The following TLE2 variants were observed in gnomAD, a reference collection of about 807,000 sequenced individuals.
The protein encoded by TLE2 is transducin-like enhancer protein 2.
In TLE2, 74 loss-of-function variants were observed where a neutral mutation model predicts 97.2. That is an observed-to-expected ratio of 0.76 (90% CI 0.63 to 0.92). The LOEUF is 0.92. TLE2 is among the 40% of genes least tolerant of loss of function. TLE2 has a pLI of 0.00. For missense variants in TLE2, 1,038 were observed against 1,008.7 expected, an observed-to-expected ratio of 1.03 and a Z score of -0.39; for synonymous variants, 499 against 432.1, an observed-to-expected ratio of 1.15 and a Z score of -1.92.
intron 11 of TLE2, among the ~76,000 whole-genome samples, chr19:3,011,616 G>C (rs541310967): frequency 1.3e-5 from 2 of 149,284 alleles, no homozygotes; most frequent in Admixed American, 1.3e-4. Context: ...TTGGGAGGCC[G>C]AGGCCGGTGG....
chr19:3,016,118 T>G (rs933951873), intron 8 of TLE2, among the ~76,000 whole-genome samples: 1 of 151,702 alleles, frequency 6.6e-6, no homozygotes, highest in African/African-American at 2.4e-5. Context: ...GTATTTTTAA[T>G]AGAGACAGGG....
intron 4 of TLE2, among the ~76,000 whole-genome samples, chr19:3,026,475 A>G (rs1244150273): frequency 6.6e-6 from 1 of 152,068 alleles, no homozygotes; most frequent in African/African-American, 2.4e-5. Flanking sequence ...AAAAAAAAAA[A>G]AAAATCTTTA....
chr19:2,998,690 A>C (rs776743344), intron 19 of TLE2, among the ~76,000 whole-genome samples: 3 of 151,952 alleles, frequency 2.0e-5, no homozygotes, highest in Non-Finnish European at 4.4e-5. Context: ...TGGGATTACA[A>C]GCGTGAGCCA....
At chr19:3,018,716 G>C (rs1049187704) in intron 7 of TLE2, among the ~76,000 whole-genome samples, 1 of 151,812 alleles carries the variant, frequency 6.6e-6, no homozygotes. Flanking sequence ...CCAGGTTCAA[G>C]CGATTCTCCT....
At chr19:3,016,916 T>C (rs867041291) in intron 8 of TLE2, among the ~76,000 whole-genome samples, 11 of 151,490 alleles carry the variant, frequency 7.3e-5, no homozygotes, top group South Asian at 4.2e-4. Context: ...GTAGCTGGGA[T>C]TACAGGCGCC....
At chr19:3,006,907 C>G (rs542687176) in intron 14 of TLE2, among the ~76,000 whole-genome samples, 2 of 152,212 alleles carry the variant, frequency 1.3e-5, no homozygotes, top group South Asian at 4.2e-4. Flanking sequence ...CTCAACCTCC[C>G]GAGTAGCTGG....
intron 14 of TLE2, among the ~76,000 whole-genome samples, chr19:3,007,380 G>T (rs1599204624): frequency 6.6e-6 from 1 of 152,010 alleles, no homozygotes; most frequent in African/African-American, 2.4e-5. Context: ...ATGAGCCACC[G>T]GGCCCAGCCT....
intron 14 of TLE2, among the ~76,000 whole-genome samples, chr19:3,007,912 C>A (rs1466285705): frequency 1.3e-5 from 2 of 152,088 alleles, no homozygotes; most frequent in Non-Finnish European, 2.9e-5. Flanking sequence ...TGGTGAAACC[C>A]TGTCTCTACT....
At chr19:3,044,945 C>T (rs535998031) in intron 1 of TLE2, among the ~76,000 whole-genome samples, 49 of 151,774 alleles carry the variant, frequency 3.2e-4, no homozygotes, top group Non-Finnish European at 4.9e-4. Context: ...AAGCCGGGCG[C>T]GGTGGCTCAT....
intron 4 of TLE2, among the ~76,000 whole-genome samples, chr19:3,026,455 TAAAA>T (rs34783402): frequency 2.3e-4 from 26 of 111,294 alleles, no homozygotes; most frequent in African/African-American, 4.9e-4. Context: ...TCTCAAAATT[TAAAA>T]AAAAAAAAAA....
intron 1 of TLE2, among the ~76,000 whole-genome samples, chr19:3,040,269 C>G (rs1270522296): frequency 6.6e-6 from 1 of 152,226 alleles, no homozygotes; most frequent in Admixed American, 6.5e-5. Flanking sequence ...CCTGGTCCCC[C>G]TGGAAGGCAC....
chr19:3,019,515 C>T lies in TLE2; in HGVS notation c.370-52G>A, dbSNP rs754713549. 14 of 1,480,722 alleles carry T rather than the reference C, an allele frequency of 9.5e-6. No homozygotes were observed. In the South Asian group the frequency reaches 9.5e-5, roughly 10 times the overall value. The allele number at this position is 1,480,722 out of a possible 1,614,324, so 91.7% of individuals were successfully genotyped here. ...GGGGCGGGGGGCGGCAGGAGCCCAG[C>T]GGTCCCCAGCCCAAGAGGTAGACAC... On this transcript the variant is annotated intron_variant, in intron 6 of 19. Transcript: ENST00000262953. The surrounding 1 kb of genome is among the most constrained non-coding windows in gnomAD (Gnocchi z 5.1).
chr19:3,023,093 T>C (rs2089877771), intron 5 of TLE2, among the ~76,000 whole-genome samples: 2 of 151,628 alleles, frequency 1.3e-5, no homozygotes, highest in African/African-American at 4.8e-5. Flanking sequence ...CTCGCTGTGT[T>C]GCCCAGGCTG....
chr19:3,030,278 A>G (rs1757849242), upstream of TLE2, among the ~76,000 whole-genome samples: 1 of 152,188 alleles, frequency 6.6e-6, no homozygotes, highest in African/African-American at 2.4e-5. Flanking sequence ...GAAGAACCAC[A>G]GCTCTGCCAT....
intron 11 of TLE2, 113 bp downstream of exon 11, chr19:3,013,556 G>T: frequency 9.5e-7 from 1 of 1,054,392 alleles, no homozygotes; most frequent in Non-Finnish European, 1.2e-6. Flanking sequence ...GGTGGACAAT[G>T]CCAGCCCGGC....
chr19:3,011,964 G>C (rs1341085494), intron 11 of TLE2, among the ~76,000 whole-genome samples: 1 of 151,714 alleles, frequency 6.6e-6, no homozygotes, highest in African/African-American at 2.4e-5. Flanking sequence ...AACATGATCA[G>C]ACAGGCGCTG....
intron 4 of TLE2, chr19:3,025,455 G>A (rs1667242878): frequency 2.9e-6 from 3 of 1,037,348 alleles, no homozygotes; most frequent in African/African-American, 3.4e-5. Context: ...AAGGAAAGGG[G>A]CCTCCGCCTG....
chr19:3,015,718 G>A lies in TLE2; in HGVS notation c.613C>T (p.Arg205Ter), dbSNP rs762086859. The change falls in exon 9 of 20, where the codon CGA becomes TGA. Residue 205 changes from arginine (R) to a stop codon, truncating the protein, a stop_gained. Coordinates refer to ENST00000262953, the MANE Select transcript of TLE2 (RefSeq NM_003260.5). LOFTEE classifies it high-confidence loss of function. Reference protein sequence around the residue: ...SPPESLVEEERPSGPGGGGKQ... With the variant: ...SPPESLVEEE ...CCGCCACCACCAGGGCCACTCGGTC[G>A]CTCCTCCTCCACGAGACTCTCAGGG... 4.3e-6 allele frequency: 7 copies of A among 1,611,114 alleles called. No individual in the cohort carries two copies. The Admixed American group carries it at 8.4e-5, about 19-fold the overall frequency.
At position 3,005,534 on chromosome 19, in the gene TLE2, T is replaced by C. The variant is rs1387462202; in HGVS notation, c.1799A>G (p.Tyr600Cys). Reference protein sequence around the residue: ...DGASCIDISDYGTRLWTGGLD... With the variant: ...DGASCIDISDCGTRLWTGGLD... ...GCCCCCTGTCCAGAGCCGAGTGCCG[T>C]AATCGGAAATATCAATGCAGCTGGC... The change falls in exon 17 of 20, where the codon TAC (tyrosine) becomes TGC (cysteine). Residue 600 changes from tyrosine to cysteine, a missense_variant. Physicochemically the swap from Tyr to Cys is radical, Grantham distance 194. Transcript: ENST00000262953. 6.2e-7 allele frequency: 1 copy of C among 1,613,452 alleles called. No homozygotes were observed. Among genetic ancestry groups the C allele is most frequent in the Non-Finnish European group, 8.5e-7 (1 of 1,179,746 alleles).
Sources: gnomAD v4.1 joint callset for allele counts (sites outside exome capture counted in the v4.1 genomes callset) on GRCh38, gnomAD v4.1.1 for gene constraint, Gnocchi (gnomAD v3.1) non-coding constraint, MANE v1.5 for transcripts, NCBI Gene and HGNC (gene_info 2026-07-23, HGNC 2026-07-21) for gene names.